Variants in GATAD2A observed in about 807,000 individuals in gnomAD.
The protein encoded by GATAD2A is transcriptional repressor p66-alpha.
A neutral mutation model predicts 68.5 loss-of-function variants in GATAD2A; 12 were observed. The ratio of observed to expected loss-of-function variants is 0.18; its 90% confidence interval spans 0.11 to 0.28. The LOEUF is 0.28. GATAD2A is among the 10% of genes least tolerant of loss of function. GATAD2A has a pLI of 1.00. For synonymous variants in GATAD2A, 410 were observed against 375.3 expected, an observed-to-expected ratio of 1.09 and a Z score of -1.07; for missense variants, 755 against 868.5, an observed-to-expected ratio of 0.87 and a Z score of 1.64.
intron 1 of GATAD2A, among the ~76,000 whole-genome samples, chr19:19,444,381 C>T (rs150747937): frequency 1.2e-4 from 18 of 152,238 alleles, no homozygotes; most frequent in Non-Finnish European, 2.4e-4. Flanking sequence ...TGCCTCTCTC[C>T]GGTATGTGCT....
chr19:19,463,087 G>T lies in GATAD2A; in HGVS notation c.-6-2253G>T, dbSNP rs772058803. Among the ~76,000 whole-genome samples, 3 of 152,162 alleles carry T rather than the reference G, an allele frequency of 2.0e-5. No individual in the cohort carries two copies. In the South Asian group the frequency reaches 6.2e-4, roughly 32 times the overall value. ...AAGGCCAGACTGGGAAGCTTCATCC[G>T]TAGAGTGGGGCCCTTACTTGTCCGA... On this transcript the variant is annotated intron_variant, in intron 1 of 11. Transcript: ENST00000683918.
chr19:19,494,137 G>A (rs1021583476), intron 4 of GATAD2A, among the ~76,000 whole-genome samples, 157 bp from the exon 5 acceptor site: 1 of 152,190 alleles, frequency 6.6e-6, no homozygotes, highest in African/African-American at 2.4e-5. Flanking sequence ...TGCAGATGGG[G>A]TCACTTTCAG....
At position 19,506,375 on chromosome 19, in the gene GATAD2A, T is replaced by A; in HGVS notation, c.*901T>A. 2.5e-6 allele frequency: 1 copy of A among 394,324 alleles called. No individual in the cohort carries two copies. Among genetic ancestry groups the A allele is most frequent in the Non-Finnish European group, 4.5e-6 (1 of 223,846 alleles). 24.4% of individuals were successfully genotyped at this position (394,324 alleles called of 1,614,324 possible). A position where few individuals can be genotyped will look rare whatever the true frequency, so the allele number is the denominator to read the frequency against. ...GCTGGAGGGGGGACTGTCGCGGGGT[T>A]TTTCTGTTGTGGTTTATTTTATTAA... On this transcript the variant is annotated 3_prime_UTR_variant, in exon 12 of 12. Coordinates refer to ENST00000683918, the MANE Select transcript of GATAD2A (RefSeq NM_001384528.1).
intron 1 of GATAD2A, among the ~76,000 whole-genome samples, chr19:19,422,697 T>C (rs1315226536): frequency 6.6e-6 from 1 of 151,564 alleles, no homozygotes; most frequent in Non-Finnish European, 1.5e-5. Context: ...TGCATTTCTC[T>C]ATTCTTTTTG....
At chr19:19,439,664 A>G (rs747717195) in intron 1 of GATAD2A, among the ~76,000 whole-genome samples, 13 of 152,160 alleles carry the variant, frequency 8.5e-5, no homozygotes, top group Non-Finnish European at 1.3e-4. Context: ...CATGGCCAAC[A>G]TGGTGAAACC....
intron 2 of GATAD2A, among the ~76,000 whole-genome samples, chr19:19,476,224 C>T (rs1260827481): frequency 6.6e-6 from 1 of 152,186 alleles, no homozygotes; most frequent in South Asian, 2.1e-4. Flanking sequence ...AATGTTTGGC[C>T]TTCTCTGTCT....
chr19:19,453,500 C>T (rs1026295027), intron 1 of GATAD2A, among the ~76,000 whole-genome samples: 13 of 151,948 alleles, frequency 8.6e-5, no homozygotes, highest in African/African-American at 2.7e-4. Context: ...CGAGTCTGTC[C>T]GCTGTGCCCC....
At chr19:19,446,321 C>T (rs892790608) in intron 1 of GATAD2A, among the ~76,000 whole-genome samples, 4 of 152,034 alleles carry the variant, frequency 2.6e-5, no homozygotes, top group African/African-American at 4.8e-5. Flanking sequence ...ATTGGTGATT[C>T]GTCTCTCTTC....
intron 1 of GATAD2A, among the ~76,000 whole-genome samples, chr19:19,424,148 T>G (rs1380434780): frequency 6.6e-6 from 1 of 152,164 alleles, no homozygotes; most frequent in East Asian, 1.9e-4. Context: ...GGTCTTAAAC[T>G]CTTGGGCTCA....
At chr19:19,503,057 G>A (rs547420263) in intron 11 of GATAD2A, among the ~76,000 whole-genome samples, 3 of 152,340 alleles carry the variant, frequency 2.0e-5, no homozygotes, top group East Asian at 3.9e-4. Context: ...CAGTGGGGGT[G>A]AAGGTCCTCC....
intron 1 of GATAD2A, among the ~76,000 whole-genome samples, chr19:19,440,997 T>C (rs1434366869): frequency 7.1e-6 from 1 of 140,766 alleles, no homozygotes; most frequent in Non-Finnish European, 1.5e-5. Flanking sequence ...TTCCTTCCCT[T>C]CCTTCCCTTC....
At chr19:19,456,223 C>T (rs1568302715) in intron 1 of GATAD2A, among the ~76,000 whole-genome samples, 1 of 151,570 alleles carries the variant, frequency 6.6e-6, no homozygotes, top group African/African-American at 2.4e-5. Flanking sequence ...AAAACTGTTA[C>T]CAGTTTAATA....
At chr19:19,479,117 A>G (rs1347199227) in intron 2 of GATAD2A, among the ~76,000 whole-genome samples, 1 of 152,258 alleles carries the variant, frequency 6.6e-6, no homozygotes, top group South Asian at 2.1e-4. Flanking sequence ...CTAATGAGAA[A>G]CCAAAATCCA....
intron 2 of GATAD2A, among the ~76,000 whole-genome samples, chr19:19,473,529 G>A (rs1430975298): frequency 1.3e-5 from 2 of 152,142 alleles, no homozygotes; most frequent in Admixed American, 6.5e-5. Flanking sequence ...TCACCAAGAG[G>A]GCGGTGGGGT....
At chr19:19,504,879 G>A (rs1392804014) in intron 11 of GATAD2A, among the ~76,000 whole-genome samples, 4 of 152,000 alleles carry the variant, frequency 2.6e-5, no homozygotes, top group Non-Finnish European at 5.9e-5. Flanking sequence ...CTGGCCTCAA[G>A]CAGTCTTCCC....
chr19:19,489,747 A>G (rs570572576), intron 2 of GATAD2A, among the ~76,000 whole-genome samples: 1 of 152,384 alleles, frequency 6.6e-6, no homozygotes, highest in South Asian at 2.1e-4. Context: ...TAAGTCCCTT[A>G]GAGCTTGGCT....
At chr19:19,421,114 G>A (rs2049092772) in intron 1 of GATAD2A, among the ~76,000 whole-genome samples, 1 of 152,188 alleles carries the variant, frequency 6.6e-6, no homozygotes, top group Non-Finnish European at 1.5e-5. Context: ...GGGGAGGCCT[G>A]GACTGTGAGG....
At chr19:19,444,310 C>T (rs1295528240) in intron 1 of GATAD2A, among the ~76,000 whole-genome samples, 1 of 152,050 alleles carries the variant, frequency 6.6e-6, no homozygotes, top group Non-Finnish European at 1.5e-5. Context: ...GTTTCGTGAA[C>T]AGTAGTGCTT....
At chr19:19,455,884 C>T (rs1158617039) in intron 1 of GATAD2A, among the ~76,000 whole-genome samples, 1 of 152,188 alleles carries the variant, frequency 6.6e-6, no homozygotes, top group African/African-American at 2.4e-5. Flanking sequence ...GGCGTGGTGG[C>T]TTACGCCTGT....
Sources: gnomAD v4.1 joint callset for allele counts (sites outside exome capture counted in the v4.1 genomes callset) on GRCh38, gnomAD v4.1.1 for gene constraint, MANE v1.5 for transcripts, NCBI Gene and HGNC (gene_info 2026-07-23, HGNC 2026-07-21) for gene names.